The following PCGF5 variants were observed in gnomAD, a reference collection of about 807,000 sequenced individuals.
The protein encoded by PCGF5 is polycomb group ring finger 5, also known as polycomb group RING finger protein 5.
Under a neutral mutation model 44.3 loss-of-function variants are expected in PCGF5, and 9 were observed. That is an observed-to-expected ratio of 0.20 (90% CI 0.12 to 0.35). The LOEUF is 0.35. PCGF5 is among the 10% of genes least tolerant of loss of function. The pLI, the probability that PCGF5 is intolerant of heterozygous loss-of-function variation, is 1.00. For missense variants in PCGF5, 146 were observed against 305.3 expected, an observed-to-expected ratio of 0.48 and a Z score of 3.89; for synonymous variants, 95 against 102.5, an observed-to-expected ratio of 0.93 and a Z score of 0.44.
Position 91,169,428 on chromosome 10 carries a change from A to G in PCGF5, c.-184+6347A>G, listed in dbSNP as rs117454128. On this transcript the variant is annotated intron_variant, in intron 1 of 9. Transcript: ENST00000614189. ...CCTCCTGGAACTAATAAGCAATTAC[A>G]GCAGGGTTGTAAGAGACAAGGCTAG... Among the ~76,000 whole-genome samples, 159 of 152,374 alleles carry G rather than the reference A, an allele frequency of 1.0e-3. 1 individual carries two copies. The East Asian group carries it at 0.028, about 27-fold the overall frequency.
chr10:91,228,275 G>A (rs1844901628), intron 2 of PCGF5, among the ~76,000 whole-genome samples: 1 of 152,232 alleles, frequency 6.6e-6, no homozygotes. Flanking sequence ...TTAAACTAAG[G>A]ACAAAGGGGC....
At chr10:91,223,121 T>TTTTAA (rs1844726012) in intron 2 of PCGF5, 138 bp downstream of exon 2, 2 of 645,674 alleles carry the variant, frequency 3.1e-6, no homozygotes, top group Admixed American at 6.5e-5. Context: ...AACTTTGAAT[T>TTTTAA]TTCAGAATAT....
At chr10:91,244,824 G>C (rs1356050138) in intron 3 of PCGF5, among the ~76,000 whole-genome samples, 1 of 152,184 alleles carries the variant, frequency 6.6e-6, no homozygotes, top group Non-Finnish European at 1.5e-5. Context: ...GAAGAATGGA[G>C]TTGCCATTAA....
In PCGF5 at chr10:91,176,882, G is replaced by A. The variant is rs147369927; in HGVS notation, c.-184+13801G>A. 5.5e-3 allele frequency among the ~76,000 whole-genome samples: 822 copies of A among 149,832 alleles called. 11 individuals carry two copies. The highest frequency in any genetic ancestry group is 0.019 in the African/African-American group (753 of 39,300). ...TCCTTTAGCTTGGAGAAGTTTGATC[G>A]TCTGAAGCCTTCTTCTCTCAACTCA... On this transcript the variant is annotated intron_variant, in intron 1 of 9. Transcript: ENST00000614189.
intron 1 of PCGF5, among the ~76,000 whole-genome samples, chr10:91,167,602 G>A (rs779099732): frequency 1.3e-5 from 2 of 152,196 alleles, no homozygotes; most frequent in Non-Finnish European, 2.9e-5. Flanking sequence ...GGAGGTTGAG[G>A]AGCCTGGAGG....
chr10:91,244,259 A>G lies in PCGF5; in HGVS notation c.209+3679A>G, dbSNP rs79104078. On this transcript the variant is annotated intron_variant, in intron 3 of 9. Transcript: ENST00000336126. Reference sequence around the variant, plus strand: ...GTGGGAAAGTGAGACTTAAGCGAAGACTTGGAGACTGTGAGAGGTTAACCA... The same window carrying G: ...GTGGGAAAGTGAGACTTAAGCGAAGGCTTGGAGACTGTGAGAGGTTAACCA... Among the ~76,000 whole-genome samples, 1,474 of 152,256 alleles carry G rather than the reference A, an allele frequency of 9.7e-3. 19 individuals are homozygous for G. The highest frequency in any genetic ancestry group is 0.033 in the South Asian group (157 of 4,818).
chr10:91,248,927 A>G (rs1845546124), intron 5 of PCGF5, among the ~76,000 whole-genome samples: 1 of 152,076 alleles, frequency 6.6e-6, no homozygotes, highest in Non-Finnish European at 1.5e-5. Context: ...AGTGAGGGTA[A>G]TTGGAAATAG....
chr10:91,271,637 G>A lies in PCGF5; in HGVS notation c.664-1G>A. The A allele has an allele frequency of 6.2e-7, 1 of 1,613,712 alleles. No individual in the cohort carries two copies. Among genetic ancestry groups the A allele is most frequent in the Non-Finnish European group, 8.5e-7 (1 of 1,179,734 alleles). ...ATCTGATGAGTTCATCTCCTCCGCAGTTTCGGTGTCTGAACTGCTCAGCTT... is the reference window on the plus strand; with the variant it reads ...ATCTGATGAGTTCATCTCCTCCGCAATTTCGGTGTCTGAACTGCTCAGCTT... On this transcript the variant is annotated splice_acceptor_variant, in intron 8 of 9. Transcript: ENST00000336126. LOFTEE classifies it high-confidence loss of function.
intron 1 of PCGF5, among the ~76,000 whole-genome samples, chr10:91,187,906 T>C (rs1290660739): frequency 6.6e-6 from 1 of 152,170 alleles, no homozygotes; most frequent in Non-Finnish European, 1.5e-5. Flanking sequence ...GAACTGTTGT[T>C]ATTCCTAAGT....
At chr10:91,177,141 G>T (rs1843721421) in intron 1 of PCGF5, among the ~76,000 whole-genome samples, 1 of 152,176 alleles carries the variant, frequency 6.6e-6, no homozygotes, top group African/African-American at 2.4e-5. Flanking sequence ...ACCCTCAGCT[G>T]CAGGTCTGTT....
chr10:91,158,756 C>T (rs1843347688), upstream of PCGF5, among the ~76,000 whole-genome samples: 1 of 152,142 alleles, frequency 6.6e-6, no homozygotes, highest in South Asian at 2.1e-4. Context: ...CAGTGAATCC[C>T]CCTAAGGAAC....
At chr10:91,264,339 C>A in intron 7 of PCGF5, 92 bp from the exon 8 acceptor site, 2 of 963,968 alleles carry the variant, frequency 2.1e-6, no homozygotes, top group Non-Finnish European at 3.1e-6. Context: ...TTTGTTCCAA[C>A]TATTTGAATA....
intron 6 of PCGF5, among the ~76,000 whole-genome samples, chr10:91,251,820 C>T (rs142131091): frequency 1.3e-5 from 2 of 151,950 alleles, no homozygotes; most frequent in Admixed American, 1.3e-4. Flanking sequence ...CTTTATTTCT[C>T]TATTTTTATT....
At chr10:91,203,510 A>G (rs191436134) in intron 1 of PCGF5, among the ~76,000 whole-genome samples, 4 of 152,272 alleles carry the variant, frequency 2.6e-5, no homozygotes, top group African/African-American at 9.6e-5. Flanking sequence ...TAAATTAGCA[A>G]TCTTATTTCA....
chr10:91,160,566 C>A (rs1336658908), upstream of PCGF5, among the ~76,000 whole-genome samples: 1 of 152,142 alleles, frequency 6.6e-6, no homozygotes, highest in African/African-American at 2.4e-5. Flanking sequence ...AACTGGTCAT[C>A]TCCTTCATGC....
intron 6 of PCGF5, among the ~76,000 whole-genome samples, chr10:91,260,807 T>C (rs1265083453): frequency 1.0e-5 from 1 of 98,026 alleles, no homozygotes; most frequent in Non-Finnish European, 2.0e-5. Flanking sequence ...CTGGGGACTG[T>C]TGTGGGGTGG....
upstream of PCGF5, among the ~76,000 whole-genome samples, chr10:91,161,677 G>C (rs925634871): frequency 6.6e-6 from 1 of 152,190 alleles, no homozygotes; most frequent in Non-Finnish European, 1.5e-5. Context: ...GTGGGGAGGA[G>C]ATATAGAGAC....
At chr10:91,190,323 G>A (rs1409609297) in intron 1 of PCGF5, among the ~76,000 whole-genome samples, 1 of 152,144 alleles carries the variant, frequency 6.6e-6, no homozygotes, top group East Asian at 1.9e-4. Context: ...TATGAATTTT[G>A]GGGGAATTCA....
chr10:91,227,253 T>C, intron 2 of PCGF5: 1 of 449,200 alleles, frequency 2.2e-6, no homozygotes. Context: ...TTTTTTCCTG[T>C]GTGAACTCAT....
Sources: allele counts gnomAD v4.1 joint callset (sites outside exome capture counted in the v4.1 genomes callset), GRCh38; gene constraint gnomAD v4.1.1; transcripts MANE v1.5; gene names NCBI Gene and HGNC (gene_info 2026-07-23, HGNC 2026-07-21).